The following CACNA2D3 variants were observed in gnomAD, a reference collection of about 807,000 sequenced individuals.
The protein encoded by CACNA2D3 is voltage-dependent calcium channel subunit alpha-2/delta-3.
In CACNA2D3, 60 loss-of-function variants were observed where a neutral mutation model predicts 160.6. The ratio of observed to expected loss-of-function variants is 0.37; its 90% confidence interval spans 0.30 to 0.46. The LOEUF (loss-of-function observed/expected upper bound fraction) is 0.46. Ranked by LOEUF, CACNA2D3 falls within the 20% of genes least tolerant of loss-of-function variation. The pLI is 1.00. For synonymous variants in CACNA2D3, 558 were observed against 492.9 expected, an observed-to-expected ratio of 1.13 and a Z score of -1.75; for missense variants, 1,205 against 1,365.0, an observed-to-expected ratio of 0.88 and a Z score of 1.85.
intron 2 of CACNA2D3, among the ~76,000 whole-genome samples, chr3:54,287,164 T>C (rs1703053019): frequency 6.6e-6 from 1 of 152,122 alleles, no homozygotes; most frequent in South Asian, 2.1e-4. Flanking sequence ...CCCATCAGTG[T>C]GCTGTATTCA....
chr3:54,150,159 G>A (rs1700120565), intron 2 of CACNA2D3, among the ~76,000 whole-genome samples: 1 of 151,518 alleles, frequency 6.6e-6, no homozygotes, highest in Admixed American at 6.6e-5. Flanking sequence ...ACTTCTGGTG[G>A]TCTCTAGGGA....
intron 12 of CACNA2D3, among the ~76,000 whole-genome samples, chr3:54,753,841 T>C (rs1028878313): frequency 6.6e-6 from 1 of 152,244 alleles, no homozygotes; most frequent in Non-Finnish European, 1.5e-5. Flanking sequence ...AATTAACATA[T>C]GTATTGCCTT....
intron 5 of CACNA2D3, among the ~76,000 whole-genome samples, chr3:54,547,322 T>TA (rs1474790638): frequency 6.6e-6 from 1 of 152,142 alleles, no homozygotes; most frequent in African/African-American, 2.4e-5. Context: ...GGCATGTACT[T>TA]ACAATGTTCT....
intron 27 of CACNA2D3, among the ~76,000 whole-genome samples, chr3:54,954,027 A>G (rs887783919): frequency 6.6e-5 from 10 of 152,214 alleles, no homozygotes; most frequent in Admixed American, 2.6e-4. Context: ...CCTAATTTCC[A>G]TCAGAAGTCT....
chr3:54,721,862 C>G (rs1369215409), intron 11 of CACNA2D3, among the ~76,000 whole-genome samples: 2 of 151,992 alleles, frequency 1.3e-5, no homozygotes, highest in African/African-American at 4.8e-5. Flanking sequence ...TCATTTCAAC[C>G]TTGGTGAATC....
chr3:54,968,600 A>G, intron 28 of CACNA2D3, 89 bp downstream of exon 28: 1 of 876,604 alleles, frequency 1.1e-6, no homozygotes, highest in Non-Finnish European at 1.8e-6. Context: ...AAAGTGCCAG[A>G]TTTCCGATGA....
intron 11 of CACNA2D3, among the ~76,000 whole-genome samples, chr3:54,738,051 G>GTTC (rs1701569452): frequency 1.3e-5 from 2 of 152,184 alleles, no homozygotes; most frequent in South Asian, 4.1e-4. Flanking sequence ...GTTCCACCTG[G>GTTC]TTCTTCAAGT....
At chr3:55,064,783 G>A (rs1179228493) in intron 35 of CACNA2D3, among the ~76,000 whole-genome samples, 1 of 152,114 alleles carries the variant, frequency 6.6e-6, no homozygotes, top group Non-Finnish European at 1.5e-5. Context: ...ACCAGAGCAT[G>A]GCAATGTTCA....
intron 2 of CACNA2D3, among the ~76,000 whole-genome samples, chr3:54,240,413 G>A (rs1388365704): frequency 6.6e-6 from 1 of 152,134 alleles, no homozygotes; most frequent in Non-Finnish European, 1.5e-5. Flanking sequence ...GCTTCTCAAA[G>A]GCGGTTACTG....
chr3:54,978,624 C>A (rs1210673348), intron 29 of CACNA2D3, among the ~76,000 whole-genome samples: 1 of 152,158 alleles, frequency 6.6e-6, no homozygotes, highest in Non-Finnish European at 1.5e-5. Flanking sequence ...GTAAAATTAT[C>A]CCAAGTAAAC....
intron 3 of CACNA2D3, among the ~76,000 whole-genome samples, chr3:54,339,468 T>C (rs1019778067): frequency 6.6e-6 from 1 of 152,204 alleles, no homozygotes; most frequent in African/African-American, 2.4e-5. Context: ...TTATACCTTT[T>C]CTTCATAGAA....
chr3:55,046,178 G>A (rs1443858100), intron 35 of CACNA2D3, among the ~76,000 whole-genome samples: 1 of 148,462 alleles, frequency 6.7e-6, no homozygotes, highest in South Asian at 2.2e-4. Flanking sequence ...GTATACATGT[G>A]CCATGCTGGT....
intron 17 of CACNA2D3, among the ~76,000 whole-genome samples, chr3:54,847,616 T>G (rs961408024): frequency 6.6e-6 from 1 of 152,240 alleles, no homozygotes; most frequent in Non-Finnish European, 1.5e-5. Flanking sequence ...GGATGCCATA[T>G]GCATGCTTTA....
chr3:54,839,795 A>C (rs1311345310), intron 16 of CACNA2D3, among the ~76,000 whole-genome samples: 1 of 152,166 alleles, frequency 6.6e-6, no homozygotes, highest in East Asian at 1.9e-4. Context: ...TCCTGGCTCC[A>C]TCGTTGATGA....
intron 13 of CACNA2D3, among the ~76,000 whole-genome samples, chr3:54,790,075 T>C (rs920497028): frequency 5.3e-5 from 8 of 152,204 alleles, no homozygotes; most frequent in Non-Finnish European, 1.2e-4. Context: ...GATTACACTT[T>C]CCTGGCTGGA....
chr3:54,802,071 C>T (rs975020771), intron 13 of CACNA2D3, among the ~76,000 whole-genome samples: 1 of 152,292 alleles, frequency 6.6e-6, no homozygotes. Context: ...TTTATCTTAT[C>T]TTACCCCCTG....
At chr3:54,507,623 G>T (rs572347480) in intron 5 of CACNA2D3, among the ~76,000 whole-genome samples, 1 of 152,168 alleles carries the variant, frequency 6.6e-6, no homozygotes, top group African/African-American at 2.4e-5. Context: ...ACAGAACCTG[G>T]CTGATAGCAA....
chr3:54,311,730 C>T (rs780774070), intron 2 of CACNA2D3, among the ~76,000 whole-genome samples: 1 of 152,220 alleles, frequency 6.6e-6, no homozygotes, highest in Non-Finnish European at 1.5e-5. Context: ...CCTCCTTTTA[C>T]CCCAAGGGAA....
rs1575515281 is a variant in CACNA2D3 at position 54,859,343 on chromosome 3, A to C, written c.1627-12196A>C. On this transcript the variant is annotated intron_variant, in intron 17 of 37. Transcript: ENST00000474759. ...AATGTGCTCCAACCGTGACACACTT[A>C]GGTGAACTTTCATCATCATGTGATA... 2.0e-5 allele frequency among the ~76,000 whole-genome samples: 3 copies of C among 152,236 alleles called. No homozygotes were observed. The East Asian group carries it at 5.8e-4, about 29-fold the overall frequency.
Sources: allele counts gnomAD v4.1 joint callset (sites outside exome capture counted in the v4.1 genomes callset), GRCh38; gene constraint gnomAD v4.1.1; transcripts MANE v1.5; gene names NCBI Gene and HGNC (gene_info 2026-07-23, HGNC 2026-07-21).